SGMS1: variants seen among roughly 807,000 people sequenced by gnomAD.
SGMS1 encodes the protein sphingomyelin synthase 1, also known as phosphatidylcholine:ceramide cholinephosphotransferase 1.
A neutral mutation model predicts 46.2 loss-of-function variants in SGMS1; 13 were observed. That is an observed-to-expected ratio of 0.28 (90% CI 0.18 to 0.45). SGMS1 has a LOEUF of 0.45. Among genes scored for constraint, SGMS1 ranks in the 20% least tolerant of loss-of-function variants. The pLI is 1.00. For missense variants in SGMS1, 324 were observed against 519.9 expected (o/e 0.62, Z 3.66); for synonymous variants, 203 against 187.8 (o/e 1.08, Z -0.66).
At chr10:50,329,872 C>T (rs377429953) in intron 7 of SGMS1, among the ~76,000 whole-genome samples, 22 of 152,232 alleles carry the variant, frequency 1.4e-4, no homozygotes, top group South Asian at 6.2e-4. Context: ...TGTGTTTGGT[C>T]GCGTTTATCT....
rs1170895548 is a variant in SGMS1, at chr10:50,307,437, T to C, written c.1063-116A>G. ...TACCTGCCCTGCGTGTCCACCCACATATCCCAGCTTCTCTCTCTCATCACC... is the reference window on the plus strand; with the variant it reads ...TACCTGCCCTGCGTGTCCACCCACACATCCCAGCTTCTCTCTCTCATCACC... On this transcript the variant is annotated intron_variant, in intron 10 of 10. Coordinates refer to ENST00000361781, the MANE Select transcript of SGMS1 (RefSeq NM_147156.4). The surrounding 1 kb of genome is among the most constrained non-coding windows in gnomAD (Gnocchi z 4.2). 2.0e-5 allele frequency: 15 copies of C among 766,300 alleles called. No individual in the cohort carries two copies. The highest frequency in any genetic ancestry group is 2.9e-5 in the Non-Finnish European group (14 of 481,190). 47.5% of individuals were successfully genotyped at this position (766,300 alleles called of 1,614,324 possible).
At chr10:50,470,124 C>T (rs150518830) in intron 3 of SGMS1, among the ~76,000 whole-genome samples, 221 of 152,192 alleles carry the variant, frequency 1.5e-3, no homozygotes, top group African/African-American at 5.2e-3. Flanking sequence ...GCAGCCCTGT[C>T]CCACACCCTA....
intron 6 of SGMS1, among the ~76,000 whole-genome samples, chr10:50,421,291 T>A (rs2474611): frequency 0.87 from 132,856 of 152,190 alleles, 58,165 homozygotes; most frequent in East Asian, 1. Context: ...CCCCTAAAGC[T>A]GAGGGCACAT....
chr10:50,351,202 C>T (rs952056572), intron 6 of SGMS1, among the ~76,000 whole-genome samples: 19 of 152,114 alleles, frequency 1.2e-4, no homozygotes, highest in African/African-American at 4.6e-4. Flanking sequence ...GTCTGTAACC[C>T]CTTTGTTTTG....
chr10:50,608,742 T>G (rs1314668822), intron 1 of SGMS1, among the ~76,000 whole-genome samples: 2 of 152,182 alleles, frequency 1.3e-5, no homozygotes, highest in Non-Finnish European at 2.9e-5. Context: ...AAATTGCCTG[T>G]GAAGGAGACA....
chr10:50,381,173 A>G (rs2133474835), intron 6 of SGMS1, among the ~76,000 whole-genome samples: 1 of 152,144 alleles, frequency 6.6e-6, no homozygotes, highest in African/African-American at 2.4e-5. Context: ...AACAAATACT[A>G]ATGAACATTA....
chr10:50,488,892 C>T (rs1376086706), intron 3 of SGMS1, among the ~76,000 whole-genome samples: 1 of 152,188 alleles, frequency 6.6e-6, no homozygotes, highest in African/African-American at 2.4e-5. Flanking sequence ...ATAGTTTCCT[C>T]AAGCTCCGTG....
chr10:50,504,269 G>A (rs1837686485), intron 3 of SGMS1, among the ~76,000 whole-genome samples: 1 of 152,152 alleles, frequency 6.6e-6, no homozygotes. Context: ...AGTCCGGGTG[G>A]TGCCTGAGAA....
chr10:50,505,207 C>T (rs960943612), intron 3 of SGMS1, among the ~76,000 whole-genome samples: 1 of 152,040 alleles, frequency 6.6e-6, no homozygotes, highest in African/African-American at 2.4e-5. Flanking sequence ...CAGAGTGAGA[C>T]CCTGTCTCAA....
At chr10:50,546,212 G>C (rs1838099466) in intron 2 of SGMS1, among the ~76,000 whole-genome samples, 1 of 152,030 alleles carries the variant, frequency 6.6e-6, no homozygotes. Flanking sequence ...GCTTTAGAAA[G>C]TTTTCCTGCT....
chr10:50,399,102 G>T (rs575773815), intron 6 of SGMS1, among the ~76,000 whole-genome samples: 2 of 152,202 alleles, frequency 1.3e-5, no homozygotes, highest in South Asian at 4.2e-4. Context: ...TATGGTGCTG[G>T]TTGTAGAACT....
intron 6 of SGMS1, among the ~76,000 whole-genome samples, chr10:50,429,670 T>C (rs1476238132): frequency 6.6e-6 from 1 of 151,218 alleles, no homozygotes; most frequent in African/African-American, 2.4e-5. Context: ...TAAAAACCTC[T>C]ACTCTTATAG....
intron 3 of SGMS1, among the ~76,000 whole-genome samples, chr10:50,502,753 C>T (rs886111325): frequency 1.3e-5 from 2 of 152,090 alleles, no homozygotes; most frequent in African/African-American, 4.8e-5. Context: ...GACCTCACAG[C>T]CTTTTTCTAA....
intron 1 of SGMS1, among the ~76,000 whole-genome samples, chr10:50,602,654 T>C (rs1481539060): frequency 6.6e-6 from 1 of 152,172 alleles, no homozygotes; most frequent in African/African-American, 2.4e-5. Context: ...TTTTTCTAAA[T>C]AAATAAATAT....
chr10:50,483,119 G>A (rs796227915), intron 3 of SGMS1, among the ~76,000 whole-genome samples: 29 of 152,252 alleles, frequency 1.9e-4, no homozygotes, highest in African/African-American at 4.6e-4. Flanking sequence ...TCGCTCTATC[G>A]CCCAGGCTGG....
chr10:50,611,478 C>T (rs1346779987), intron 1 of SGMS1, among the ~76,000 whole-genome samples: 4 of 152,200 alleles, frequency 2.6e-5, no homozygotes, highest in African/African-American at 7.2e-5. Context: ...CCTTGCCTTC[C>T]CAGTTCCTGT....
intron 1 of SGMS1, among the ~76,000 whole-genome samples, chr10:50,591,856 T>C (rs1355604179): frequency 1.3e-5 from 2 of 152,214 alleles, no homozygotes; most frequent in African/African-American, 4.8e-5. Flanking sequence ...TGGCCCTACT[T>C]GGCGCTTCAT....
chr10:50,446,657 A>G (rs1216793437), intron 5 of SGMS1, among the ~76,000 whole-genome samples: 2 of 152,220 alleles, frequency 1.3e-5, no homozygotes, highest in Non-Finnish European at 2.9e-5. Context: ...GAGCATAAGC[A>G]CACTCAGTAT....
chr10:50,355,613 C>T (rs1482305272), intron 6 of SGMS1, among the ~76,000 whole-genome samples: 1 of 152,254 alleles, frequency 6.6e-6, no homozygotes, highest in African/African-American at 2.4e-5. Context: ...GGCGTGATCT[C>T]GGCTCGCTAC....
Sources: allele counts gnomAD v4.1 joint callset (sites outside exome capture counted in the v4.1 genomes callset), GRCh38; gene constraint gnomAD v4.1.1; non-coding constraint Gnocchi (gnomAD v3.1); transcripts MANE v1.5; gene names NCBI Gene and HGNC (gene_info 2026-07-23, HGNC 2026-07-21).